The following TP63 variants were observed in gnomAD, a reference collection of about 807,000 sequenced individuals.
TP63 encodes tumor protein 63.
TP63 carries 17 observed loss-of-function variants against 82.8 expected under a neutral mutation model. The observed-to-expected ratio is 0.21, with a 90% CI of 0.14 to 0.31. The LOEUF (loss-of-function observed/expected upper bound fraction) is 0.31, where lower values mean the gene tolerates loss of function less well. Among genes scored for constraint, TP63 ranks in the 10% least tolerant of loss-of-function variants. TP63 has a pLI of 1.00. For missense variants in TP63, 648 were observed against 895.3 expected, an observed-to-expected ratio of 0.72 and a Z score of 3.52; for synonymous variants, 330 against 321.7, an observed-to-expected ratio of 1.03 and a Z score of -0.28.
intron 1 of TP63, among the ~76,000 whole-genome samples, chr3:189,684,632 C>CT (rs11379017): frequency 0.097 from 13,081 of 134,600 alleles, 795 homozygotes; most frequent in African/African-American, 0.16. Context: ...TTCTTTCTTT[C>CT]TTTTTTTTTT....
chr3:189,655,000 T>C (rs1226742084), intron 1 of TP63, among the ~76,000 whole-genome samples: 1 of 152,178 alleles, frequency 6.6e-6, no homozygotes, highest in Non-Finnish European at 1.5e-5. Context: ...GACTCTGCAG[T>C]GACTACTGCA....
At chr3:189,655,351 G>A (rs991933806) in intron 1 of TP63, among the ~76,000 whole-genome samples, 10 of 152,150 alleles carry the variant, frequency 6.6e-5, no homozygotes, top group East Asian at 1.9e-4. Flanking sequence ...GAGAGTGGGC[G>A]TGGTGGCTCA....
chr3:189,861,818 T>C (rs965180809), intron 4 of TP63, among the ~76,000 whole-genome samples: 2 of 152,182 alleles, frequency 1.3e-5, no homozygotes, highest in Non-Finnish European at 1.5e-5. Context: ...CATAAGAAAC[T>C]GTTATTACAG....
At chr3:189,661,242 T>G (rs921905551) in intron 1 of TP63, among the ~76,000 whole-genome samples, 2 of 152,090 alleles carry the variant, frequency 1.3e-5, no homozygotes, top group South Asian at 4.1e-4. Context: ...TTGAGGTATA[T>G]TCCTTTGATG....
chr3:189,667,587 A>G (rs138270937), intron 1 of TP63, among the ~76,000 whole-genome samples: 2 of 152,184 alleles, frequency 1.3e-5, no homozygotes, highest in African/African-American at 4.8e-5. Flanking sequence ...CTATGGGATA[A>G]TCTTTACAAG....
At chr3:189,663,526 T>TTTG in intron 1 of TP63, among the ~76,000 whole-genome samples, 1 of 132,256 alleles carries the variant, frequency 7.6e-6, no homozygotes. Context: ...TCATTCTTTT[T>TTTG]TTTTTTTTTT....
At chr3:189,619,508 G>A in the TP63 span, among the ~76,000 whole-genome samples, 11 of 152,162 alleles carry the variant, frequency 7.2e-5, no homozygotes, top group Non-Finnish European at 1.2e-4. Flanking sequence ...TCAGTGGGCT[G>A]CTTAGCTTTG....
At chr3:189,883,737 G>A (rs1720163067) in intron 10 of TP63, among the ~76,000 whole-genome samples, 1 of 152,154 alleles carries the variant, frequency 6.6e-6, no homozygotes, top group African/African-American at 2.4e-5. Flanking sequence ...CACTAAGTTT[G>A]TGTTAGATGT....
the TP63 span, among the ~76,000 whole-genome samples, chr3:189,608,540 G>A: frequency 1.3e-5 from 2 of 152,252 alleles, no homozygotes; most frequent in Non-Finnish European, 1.5e-5. Flanking sequence ...GACAGGTGAT[G>A]CAAAAATTTG....
chr3:189,633,212 T>C (rs912319286), intron 1 of TP63, among the ~76,000 whole-genome samples: 12 of 151,902 alleles, frequency 7.9e-5, no homozygotes, highest in African/African-American at 2.9e-4. Flanking sequence ...TAAGCAATCA[T>C]AGTATTTTTG....
chr3:189,620,735 C>T, the TP63 span, among the ~76,000 whole-genome samples: 1 of 152,166 alleles, frequency 6.6e-6, no homozygotes, highest in Admixed American at 6.5e-5. Flanking sequence ...GGAAGCAGCC[C>T]AGAAGTGTGG....
intron 1 of TP63, among the ~76,000 whole-genome samples, chr3:189,732,888 T>C (rs1008299545): frequency 6.6e-6 from 1 of 152,162 alleles, no homozygotes; most frequent in Admixed American, 6.5e-5. Flanking sequence ...CAGAGTAGCA[T>C]TGATGAGATG....
chr3:189,664,511 A>C (rs1299259058), intron 1 of TP63, among the ~76,000 whole-genome samples: 2 of 152,158 alleles, frequency 1.3e-5, no homozygotes, highest in African/African-American at 4.8e-5. Flanking sequence ...TGAATCCCAC[A>C]GGAACCAGAG....
At chr3:189,757,286 G>T (rs952192109) in intron 3 of TP63, among the ~76,000 whole-genome samples, 2 of 152,190 alleles carry the variant, frequency 1.3e-5, no homozygotes, top group African/African-American at 4.8e-5. Flanking sequence ...ATTATCAGAG[G>T]TGGTGTGAAG....
intron 3 of TP63, among the ~76,000 whole-genome samples, chr3:189,805,813 GT>G (rs1312245577): frequency 1.3e-5 from 2 of 152,184 alleles, no homozygotes; most frequent in African/African-American, 4.8e-5. Context: ...TTGCAACAGA[GT>G]CACCGTATAC....
At chr3:189,644,966 C>A (rs971231527) in intron 1 of TP63, among the ~76,000 whole-genome samples, 1 of 151,218 alleles carries the variant, frequency 6.6e-6, no homozygotes, top group Non-Finnish European at 1.5e-5. Context: ...CTACCTTTTC[C>A]CACCCAATTC....
intron 1 of TP63, among the ~76,000 whole-genome samples, chr3:189,632,089 T>G (rs184754325): frequency 8.7e-4 from 133 of 152,274 alleles, no homozygotes; most frequent in African/African-American, 3.2e-3. Flanking sequence ...CTTTTAAAGC[T>G]TGTGATTGTA....
intron 3 of TP63, among the ~76,000 whole-genome samples, chr3:189,756,706 G>GA (rs1346109245): frequency 6.6e-6 from 1 of 152,132 alleles, no homozygotes; most frequent in Non-Finnish European, 1.5e-5. Context: ...TGTTTAATCT[G>GA]AAAAGAAACC....
At chr3:189,753,850 T>G (rs6794551) in intron 3 of TP63, among the ~76,000 whole-genome samples, 69,201 of 151,830 alleles carry the variant, frequency 0.46, 15,916 homozygotes, top group East Asian at 0.58. Flanking sequence ...GATGGCTCTA[T>G]AAATCTCATA....
Sources: allele counts gnomAD v4.1 joint callset (sites outside exome capture counted in the v4.1 genomes callset), GRCh38; gene constraint gnomAD v4.1.1; transcripts MANE v1.5; gene names NCBI Gene and HGNC (gene_info 2026-07-23, HGNC 2026-07-21).